UGT1A8: variants seen among roughly 807,000 people sequenced by gnomAD.
UGT1A8 encodes UDP glucuronosyltransferase family 1 member A8, also known as UDP-glucuronosyltransferase 1A8.
UGT1A8 carries 39 observed loss-of-function variants against 45.3 expected under a neutral mutation model. The observed-to-expected ratio is 0.86, with a 90% confidence interval of 0.67 to 1.12. The LOEUF is 1.12. Among genes scored for constraint, UGT1A8 ranks in the 50% most tolerant of loss-of-function variants. The pLI, the probability that UGT1A8 is intolerant of heterozygous loss-of-function variation, is 0.00. For synonymous variants in UGT1A8, 275 were observed against 249.2 expected, an observed-to-expected ratio of 1.10 and a Z score of -0.97; for missense variants, 719 against 664.9, an observed-to-expected ratio of 1.08 and a Z score of -0.90.
intron 1 of UGT1A8, among the ~76,000 whole-genome samples, chr2:233,717,375 A>C (rs1330079040): frequency 6.6e-6 from 1 of 152,208 alleles, no homozygotes; most frequent in African/African-American, 2.4e-5. Context: ...AAGCCCTTAC[A>C]GACCTGCCCT....
At chr2:233,760,492 A>G in intron 1 of UGT1A8, 1 of 1,614,288 alleles carries the variant, frequency 6.2e-7, no homozygotes. Context: ...GTTGTACATC[A>G]GAGACGGAGC....
At chr2:233,730,488 G>C (rs181516968) in intron 1 of UGT1A8, among the ~76,000 whole-genome samples, 1 of 152,300 alleles carries the variant, frequency 6.6e-6, no homozygotes, top group East Asian at 1.9e-4. Flanking sequence ...ACATGAAATA[G>C]AAGTGTCAGA....
intron 1 of UGT1A8, among the ~76,000 whole-genome samples, chr2:233,710,430 T>C (rs1440479100): frequency 6.6e-6 from 1 of 152,242 alleles, no homozygotes; most frequent in Non-Finnish European, 1.5e-5. Context: ...AGACTTGCTA[T>C]TTTTAGTCTT....
Position 233,769,314 on chromosome 2 carries a change from T to A in UGT1A8, c.1295+875T>A, listed in dbSNP as rs551966060. Among the ~76,000 whole-genome samples, 1 of 152,360 alleles carries A rather than the reference T, an allele frequency of 6.6e-6. No individual in the cohort carries two copies. The highest frequency in any genetic ancestry group is 2.1e-4 in the South Asian group (1 of 4,826). ...TAAAGTTAGTATATTACTGTCAAGC[T>A]CACTGGTAATAGGCTTATTAGAACC... is the stretch of plus-strand genomic sequence containing the variant. On this transcript the variant is annotated intron_variant, in intron 4 of 4. Coordinates refer to ENST00000373450, the MANE Select transcript of UGT1A8 (RefSeq NM_019076.5). This position sits in a 1 kb window ranked among gnomAD's most constrained non-coding sequence, Gnocchi z 4.4.
intron 1 of UGT1A8, among the ~76,000 whole-genome samples, chr2:233,674,389 CATA>C (rs1452275212): frequency 6.6e-6 from 1 of 152,126 alleles, no homozygotes; most frequent in Admixed American, 6.6e-5. Flanking sequence ...CTTTACCCTC[CATA>C]AATTATAGTA....
intron 1 of UGT1A8, among the ~76,000 whole-genome samples, chr2:233,753,010 T>G (rs1329149459): frequency 6.6e-6 from 1 of 151,864 alleles, no homozygotes; most frequent in Admixed American, 6.6e-5. Context: ...CTACCCAGAG[T>G]GGTGATTTAC....
chr2:233,620,717 T>C (rs2072987330), intron 1 of UGT1A8, among the ~76,000 whole-genome samples: 1 of 152,202 alleles, frequency 6.6e-6, no homozygotes, highest in African/African-American at 2.4e-5. Flanking sequence ...CACAGAGGAA[T>C]TCAGATCTGA....
intron 1 of UGT1A8, among the ~76,000 whole-genome samples, chr2:233,626,965 T>G (rs2073095518): frequency 1.3e-5 from 2 of 152,104 alleles, no homozygotes; most frequent in Non-Finnish European, 2.9e-5. Context: ...TGTCTAGGCC[T>G]TCTTGTTGTA....
intron 1 of UGT1A8, among the ~76,000 whole-genome samples, chr2:233,621,325 A>G (rs2073002339): frequency 6.6e-6 from 1 of 152,188 alleles, no homozygotes; most frequent in African/African-American, 2.4e-5. Context: ...GTCTCTTTGA[A>G]TTTTTGGTGA....
chr2:233,729,412 C>T, intron 1 of UGT1A8: 2 of 1,613,700 alleles, frequency 1.2e-6, no homozygotes, highest in Non-Finnish European at 1.7e-6. Flanking sequence ...TGTGCTGGGC[C>T]ACACTCAACT....
At chr2:233,751,036 G>T (rs1694621697) in intron 1 of UGT1A8, among the ~76,000 whole-genome samples, 1 of 151,846 alleles carries the variant, frequency 6.6e-6, no homozygotes, top group South Asian at 2.1e-4. Context: ...AGCTTGCACT[G>T]TGTGCCTGGA....
intron 1 of UGT1A8, among the ~76,000 whole-genome samples, chr2:233,732,390 C>G (rs1458473666): frequency 6.6e-6 from 1 of 152,216 alleles, no homozygotes; most frequent in Admixed American, 6.5e-5. Flanking sequence ...TAGGCCATGC[C>G]TATGCCTAAA....
chr2:233,624,166 A>C (rs1227245387), intron 1 of UGT1A8, among the ~76,000 whole-genome samples: 1 of 151,978 alleles, frequency 6.6e-6, no homozygotes, highest in East Asian at 1.9e-4. Context: ...TTTCCTTCAG[A>C]TTTCATTGAT....
At chr2:233,679,383 T>A (rs867233358) in intron 1 of UGT1A8, among the ~76,000 whole-genome samples, 1 of 152,196 alleles carries the variant, frequency 6.6e-6, no homozygotes, top group Non-Finnish European at 1.5e-5. Flanking sequence ...AGTGTTGATC[T>A]TTTCCTTTCA....
At chr2:233,633,540 G>A (rs2073228517) in intron 1 of UGT1A8, among the ~76,000 whole-genome samples, 1 of 152,128 alleles carries the variant, frequency 6.6e-6, no homozygotes, top group Non-Finnish European at 1.5e-5. Context: ...AGTCTTGGGA[G>A]GATATACGTG....
chr2:233,708,218 A>G (rs2125610578), intron 1 of UGT1A8, among the ~76,000 whole-genome samples: 1 of 152,314 alleles, frequency 6.6e-6, no homozygotes, highest in South Asian at 2.1e-4. Flanking sequence ...TTAACAATTT[A>G]TTCTTCCCTT....
At chr2:233,705,525 C>T (rs550344536) in intron 1 of UGT1A8, among the ~76,000 whole-genome samples, 2 of 152,190 alleles carry the variant, frequency 1.3e-5, no homozygotes, top group South Asian at 4.1e-4. Flanking sequence ...GGGGAGATTA[C>T]CTTCAGCTGT....
At chr2:233,728,109 C>T (rs1053786831) in intron 1 of UGT1A8, among the ~76,000 whole-genome samples, 1 of 152,198 alleles carries the variant, frequency 6.6e-6, no homozygotes, top group African/African-American at 2.4e-5. Flanking sequence ...ATTTAATTCT[C>T]CATCTTGAAA....
intron 1 of UGT1A8, among the ~76,000 whole-genome samples, chr2:233,649,508 A>G (rs777967418): frequency 1.3e-5 from 2 of 152,252 alleles, no homozygotes; most frequent in Non-Finnish European, 2.9e-5. Context: ...ATAAGCATAT[A>G]TGTAAATATT....
Sources: gnomAD v4.1 joint callset for allele counts (sites outside exome capture counted in the v4.1 genomes callset) on GRCh38, gnomAD v4.1.1 for gene constraint, Gnocchi (gnomAD v3.1) non-coding constraint, MANE v1.5 for transcripts, NCBI Gene and HGNC (gene_info 2026-07-23, HGNC 2026-07-21) for gene names.